PCNP: variants seen among roughly 807,000 people sequenced by gnomAD.
PCNP encodes PEST proteolytic signal containing nuclear protein, also known as PEST proteolytic signal-containing nuclear protein.
PCNP carries 6 observed loss-of-function variants against 21.8 expected under a neutral mutation model. That is an observed-to-expected ratio of 0.28 (90% CI 0.15 to 0.54). PCNP has a LOEUF of 0.54. Ranked by LOEUF, PCNP falls within the 20% of genes least tolerant of loss-of-function variation. The probability of loss-of-function intolerance (pLI) is 0.95; values close to 1 mark genes in which losing one functional copy is unlikely to be tolerated. For missense variants in PCNP, 161 were observed against 215.5 expected, an observed-to-expected ratio of 0.75 and a Z score of 1.58; for synonymous variants, 67 against 73.2, an observed-to-expected ratio of 0.92 and a Z score of 0.43.
chr3:101,583,652 G>GT (rs953897645), intron 2 of PCNP, among the ~76,000 whole-genome samples: 2 of 151,116 alleles, frequency 1.3e-5, no homozygotes, highest in Non-Finnish European at 3.0e-5. Flanking sequence ...TTTTTGTTTT[G>GT]TTTTTTGGAT....
intron 3 of PCNP, among the ~76,000 whole-genome samples, chr3:101,589,533 C>A (rs1935700702): frequency 6.6e-6 from 1 of 152,022 alleles, no homozygotes; most frequent in Admixed American, 6.6e-5. Context: ...GCCTCAGCCT[C>A]CTGAGTAGCT....
rs1490433634 is a variant in PCNP, at chr3:101,583,207, A to G, written c.280-2230A>G. ...CGCGGTGGCTCAGGCCTCTAAGCCC[A>G]GCACTTTGGGAGGCCAAGTCAGTGG... On this transcript the variant is annotated intron_variant, in intron 2 of 4. Transcript: ENST00000265260. Among the ~76,000 whole-genome samples, 6 of 152,292 alleles carry G rather than the reference A, an allele frequency of 3.9e-5. No homozygotes were observed. In the East Asian group the frequency reaches 9.6e-4, roughly 24 times the overall value.
chr3:101,583,131 C>G (rs1478231505), intron 2 of PCNP, among the ~76,000 whole-genome samples: 1 of 151,782 alleles, frequency 6.6e-6, no homozygotes, highest in African/African-American at 2.4e-5. Flanking sequence ...TTGAGACCAG[C>G]CTGGGCAACA....
intron 2 of PCNP, among the ~76,000 whole-genome samples, chr3:101,583,671 A>G (rs1175086777): frequency 6.6e-6 from 1 of 152,032 alleles, no homozygotes; most frequent in African/African-American, 2.4e-5. Context: ...ATTTTGAGAC[A>G]GAGACTCACT....
At position 101,582,509 on chromosome 3, in the gene PCNP, T is replaced by TA. The variant is rs531746038; in HGVS notation, c.279+2514dup. Among the ~76,000 whole-genome samples, 38 of 151,772 alleles carry TA rather than the reference T, an allele frequency of 2.5e-4. 1 individual carries two copies. The highest frequency in any genetic ancestry group is 4.6e-4 in the Non-Finnish European group (31 of 67,868). ...ATTGGGAGGGTGAGGTGTAGGATAT[T>TA]AAAAAAAAATTGAAATTGCTGGATT... On this transcript the variant is annotated intron_variant, in intron 2 of 4. Coordinates refer to ENST00000265260, the MANE Select transcript of PCNP (RefSeq NM_020357.3).
At chr3:101,576,349 C>G in intron 1 of PCNP, 1 of 604,666 alleles carries the variant, frequency 1.7e-6, no homozygotes, top group Non-Finnish European at 2.7e-6. Context: ...ATTTTCCTGC[C>G]TCAGCCTCCC....
chr3:101,579,397 G>A (rs989836929), intron 1 of PCNP, among the ~76,000 whole-genome samples: 4 of 152,120 alleles, frequency 2.6e-5, no homozygotes, highest in South Asian at 2.1e-4. Context: ...TTAGCCAAGT[G>A]TATTATTTTA....
intron 4 of PCNP, among the ~76,000 whole-genome samples, chr3:101,592,130 AGTGTTTTTTGTTTTTTGTTTTTTTGT>A (rs1354638487): frequency 1.0e-3 from 151 of 151,644 alleles, no homozygotes; most frequent in East Asian, 1.6e-3. Context: ...GTGTCTGTAA[AGTGTTTTTTGTTTTTTGTTTTTTTGT>A]GTGTTTTTTG....
chr3:101,585,542 T>C (rs780499251), intron 3 of PCNP, 31 bp downstream of exon 3: 4 of 1,416,682 alleles, frequency 2.8e-6, no homozygotes, highest in Non-Finnish European at 4.0e-6. Flanking sequence ...GTTTTTTTAC[T>C]TTAACCAGTT....
At chr3:101,587,096 C>A (rs1306292290) in intron 3 of PCNP, among the ~76,000 whole-genome samples, 1 of 151,812 alleles carries the variant, frequency 6.6e-6, no homozygotes, top group Non-Finnish European at 1.5e-5. Context: ...ACTAAAAATA[C>A]AATATTAGCC....
intron 1 of PCNP, among the ~76,000 whole-genome samples, chr3:101,576,216 T>C (rs1207208911): frequency 1.4e-5 from 2 of 143,224 alleles, no homozygotes; most frequent in East Asian, 4.1e-4. Context: ...GTTGGAAGTA[T>C]AAGTTTTTTT....
At chr3:101,588,802 C>A (rs1275882300) in intron 3 of PCNP, among the ~76,000 whole-genome samples, 1 of 152,190 alleles carries the variant, frequency 6.6e-6, no homozygotes, top group East Asian at 1.9e-4. Flanking sequence ...GGCACAAATA[C>A]CACAAAAGTG....
intron 2 of PCNP, among the ~76,000 whole-genome samples, 164 bp from the exon 3 acceptor site, chr3:101,585,272 AT>A (rs1351256511): frequency 1.3e-5 from 2 of 152,210 alleles, no homozygotes; most frequent in Non-Finnish European, 2.9e-5. Flanking sequence ...GATAATCCAC[AT>A]TTTTGAAAAG....
intron 3 of PCNP, 28 bp downstream of exon 3, chr3:101,585,539 T>A: frequency 2.8e-6 from 4 of 1,451,310 alleles, no homozygotes; most frequent in Non-Finnish European, 3.8e-6. Context: ...TTTGTTTTTT[T>A]ACTTTAACCA....
At chr3:101,577,551 G>A (rs1277010154) in intron 1 of PCNP, among the ~76,000 whole-genome samples, 2 of 152,134 alleles carry the variant, frequency 1.3e-5, no homozygotes, top group African/African-American at 4.8e-5. Context: ...TTGAGATGAA[G>A]TCACGCTCTG....
At chr3:101,592,583 G>A (rs764062279) in intron 4 of PCNP, 44 bp from the exon 5 acceptor site, 1 of 1,505,158 alleles carries the variant, frequency 6.6e-7, no homozygotes, top group Non-Finnish European at 9.1e-7. Context: ...AACCTGAAAG[G>A]CTTTATATAA....
chr3:101,578,931 C>G (rs561941837), intron 1 of PCNP, among the ~76,000 whole-genome samples: 1 of 152,254 alleles, frequency 6.6e-6, no homozygotes, highest in East Asian at 1.9e-4. Context: ...TGTCTTACCG[C>G]CTGATATGTT....
chr3:101,582,831 G>A (rs1935295715), intron 2 of PCNP, among the ~76,000 whole-genome samples: 2 of 152,238 alleles, frequency 1.3e-5, no homozygotes, highest in African/African-American at 4.8e-5. Context: ...GTTAAGATGT[G>A]AAGCCATATA....
At chr3:101,580,742 T>A (rs1428995613) in intron 2 of PCNP, among the ~76,000 whole-genome samples, 3 of 152,222 alleles carry the variant, frequency 2.0e-5, no homozygotes, top group South Asian at 2.1e-4. Flanking sequence ...TCTGGAAGTG[T>A]TTGAAATATT....
Sources: allele counts gnomAD v4.1 joint callset (sites outside exome capture counted in the v4.1 genomes callset), GRCh38; gene constraint gnomAD v4.1.1; transcripts MANE v1.5; gene names NCBI Gene and HGNC (gene_info 2026-07-23, HGNC 2026-07-21).